Variants in ABCD3 observed in about 807,000 individuals in gnomAD.
ABCD3 encodes the protein ATP-binding cassette sub-family D member 3.
Under a neutral mutation model 105.5 loss-of-function variants are expected in ABCD3, and 41 were observed. The observed-to-expected ratio is 0.39, with a 90% confidence interval of 0.30 to 0.50. ABCD3 has a LOEUF of 0.50. ABCD3 is among the 20% of genes least tolerant of loss of function. ABCD3 has a pLI of 0.84. For missense variants in ABCD3, 622 were observed against 806.3 expected, an observed-to-expected ratio of 0.77 and a Z score of 2.77; for synonymous variants, 258 against 269.0, an observed-to-expected ratio of 0.96 and a Z score of 0.40.
chr1:94,499,744 A>T, intron 20 of ABCD3, 130 bp downstream of exon 20: 1 of 1,156,834 alleles, frequency 8.6e-7, no homozygotes, highest in Admixed American at 2.2e-5. Flanking sequence ...TTAAATTATC[A>T]TAAAAGTGCT....
At chr1:94,482,781 C>G (rs1194829938) in intron 9 of ABCD3, 1 of 189,096 alleles carries the variant, frequency 5.3e-6, no homozygotes, top group African/African-American at 2.4e-5. Flanking sequence ...CTAGCTGTTG[C>G]TTTTTCATCT....
At chr1:94,472,163 T>G in intron 4 of ABCD3, 1 of 927,804 alleles carries the variant, frequency 1.1e-6, no homozygotes. Flanking sequence ...GTTAATTATT[T>G]TTTTTGCAGT....
intron 21 of ABCD3, among the ~76,000 whole-genome samples, chr1:94,508,345 A>G (rs1039069686): frequency 1.2e-4 from 19 of 152,004 alleles, no homozygotes; most frequent in African/African-American, 4.1e-4. Flanking sequence ...TGTTCCATTG[A>G]TCTATATCTC....
At chr1:94,406,441 T>C in the ABCD3 span, 1 of 383,278 alleles carries the variant, frequency 2.6e-6, no homozygotes, top group South Asian at 2.5e-5. Context: ...TCAGGTTCCT[T>C]TCCAGTTTTT....
the ABCD3 span, among the ~76,000 whole-genome samples, chr1:94,388,764 G>T: frequency 2.0e-5 from 3 of 152,116 alleles, no homozygotes; most frequent in African/African-American, 2.4e-5. Flanking sequence ...CTTGCATTCA[G>T]GTAGTTTATT....
intron 1 of ABCD3, among the ~76,000 whole-genome samples, chr1:94,453,350 T>C (rs1647357586): frequency 6.6e-6 from 1 of 150,642 alleles, no homozygotes; most frequent in South Asian, 2.1e-4. Context: ...AGATGGAGTC[T>C]CGCTGTCGCC....
intron 4 of ABCD3, chr1:94,472,213 T>C: frequency 2.0e-6 from 2 of 980,552 alleles, no homozygotes; most frequent in Non-Finnish European, 2.4e-6. Context: ...CAAGAAACCA[T>C]TTTTTAAATT....
At chr1:94,504,844 G>T (rs1650272819) in intron 20 of ABCD3, among the ~76,000 whole-genome samples, 1 of 152,156 alleles carries the variant, frequency 6.6e-6, no homozygotes, top group Non-Finnish European at 1.5e-5. Flanking sequence ...GGAGATGAGT[G>T]TGCTCTGGGC....
chr1:94,497,628 C>T (rs1035563113), intron 16 of ABCD3, among the ~76,000 whole-genome samples: 2 of 152,158 alleles, frequency 1.3e-5, no homozygotes, highest in African/African-American at 4.8e-5. Context: ...TTTAGTGACA[C>T]TTGTATATAT....
intron 1 of ABCD3, among the ~76,000 whole-genome samples, chr1:94,430,686 G>C (rs534910255): frequency 6.6e-6 from 1 of 152,206 alleles, no homozygotes; most frequent in Admixed American, 6.5e-5. Context: ...TTCTTTTTTA[G>C]ATTGTCCAGT....
intron 22 of ABCD3, 152 bp downstream of exon 22, chr1:94,515,354 T>C (rs116601548): frequency 0.011 from 7,464 of 667,154 alleles, 193 homozygotes; most frequent in African/African-American, 0.066. Flanking sequence ...AATAGGATTT[T>C]CTTAAATATT....
At chr1:94,416,628 G>T (rs1200421731), upstream of ABCD3, among the ~76,000 whole-genome samples, 1 of 152,086 alleles carries the variant, frequency 6.6e-6, no homozygotes, top group Non-Finnish European at 1.5e-5. Context: ...ATTTCCCTAG[G>T]CTAGCCATAG....
chr1:94,473,360 C>G (rs1373863593), intron 4 of ABCD3, among the ~76,000 whole-genome samples: 1 of 152,112 alleles, frequency 6.6e-6, no homozygotes. Context: ...TTAGTTCACA[C>G]AAATGAGAAT....
chr1:94,426,217 A>C (rs1224205546), intron 1 of ABCD3, among the ~76,000 whole-genome samples: 3 of 152,196 alleles, frequency 2.0e-5, no homozygotes, highest in African/African-American at 7.2e-5. Context: ...AGAGTTGGAA[A>C]GTATCTTAAG....
the ABCD3 span, among the ~76,000 whole-genome samples, chr1:94,395,223 C>T: frequency 1.3e-5 from 2 of 152,186 alleles, no homozygotes; most frequent in African/African-American, 2.4e-5. Flanking sequence ...ATCCTACTCC[C>T]TTTTTAATTG....
At chr1:94,395,838 TGA>T in the ABCD3 span, among the ~76,000 whole-genome samples, 455 of 149,114 alleles carry the variant, frequency 3.1e-3, 2 homozygotes, top group Non-Finnish European at 5.0e-3. Context: ...TGCACGCGTG[TGA>T]GAGAGAGAGA....
At chr1:94,509,195 A>G (rs1288994430) in intron 21 of ABCD3, among the ~76,000 whole-genome samples, 1 of 152,154 alleles carries the variant, frequency 6.6e-6, no homozygotes. Flanking sequence ...TTTACCATGA[A>G]TGGTTGTTGA....
At chr1:94,439,800 C>G (rs1660067334) in intron 1 of ABCD3, among the ~76,000 whole-genome samples, 1 of 152,062 alleles carries the variant, frequency 6.6e-6, no homozygotes, top group Admixed American at 6.5e-5. Context: ...TATTTTATCA[C>G]CACATTTGTA....
chr1:94,400,053 T>C, the ABCD3 span, among the ~76,000 whole-genome samples: 1 of 152,148 alleles, frequency 6.6e-6, no homozygotes, highest in African/African-American at 2.4e-5. Context: ...GATTTTCTTA[T>C]GGAAGTTCTT....
Sources: gnomAD v4.1 joint callset for allele counts (sites outside exome capture counted in the v4.1 genomes callset) on GRCh38, gnomAD v4.1.1 for gene constraint, MANE v1.5 for transcripts, NCBI Gene and HGNC (gene_info 2026-07-23, HGNC 2026-07-21) for gene names.